LRMDA: variants seen among roughly 807,000 people sequenced by gnomAD.
The protein encoded by LRMDA is leucine-rich melanocyte differentiation-associated protein.
LRMDA carries 18 observed loss-of-function variants against 29.8 expected under a neutral mutation model. The ratio of observed to expected loss-of-function variants is 0.60; its 90% CI spans 0.42 to 0.90. LRMDA has a LOEUF of 0.90. LRMDA is among the 40% of genes least tolerant of loss of function. LRMDA has a pLI of 0.00. For synonymous variants in LRMDA, 125 were observed against 109.4 expected, an observed-to-expected ratio of 1.14 and a Z score of -0.89; for missense variants, 273 against 273.9, an observed-to-expected ratio of 1.00 and a Z score of 0.02.
intron 2 of LRMDA, among the ~76,000 whole-genome samples, chr10:75,763,417 A>G (rs1426994109): frequency 6.6e-6 from 1 of 152,206 alleles, no homozygotes; most frequent in African/African-American, 2.4e-5. Context: ...AAATCAGAGT[A>G]TGGGTGAGAA....
rs562189245 is a variant in LRMDA at position 75,703,347 on chromosome 10, C to T, written c.131+264853C>T. On this transcript the variant is annotated intron_variant, in intron 2 of 6. Coordinates refer to ENST00000611255, the MANE Select transcript of LRMDA (RefSeq NM_001305581.2). ...GCAATGAGGCAGAAACCAGGGATAA[C>T]TGCAGATCTGCCGATCTGAGAGAGT... is the stretch of plus-strand genomic sequence containing the variant. 1.9e-4 allele frequency among the ~76,000 whole-genome samples: 29 copies of T among 152,340 alleles called. No individual in the cohort carries two copies. The South Asian group carries it at 4.8e-3, about 25-fold the overall frequency.
At chr10:75,479,067 C>G (rs1844828410) in intron 2 of LRMDA, among the ~76,000 whole-genome samples, 1 of 152,206 alleles carries the variant, frequency 6.6e-6, no homozygotes, top group African/African-American at 2.4e-5. Flanking sequence ...CTGGTTTCCT[C>G]CAGCTCCCAG....
rs116186526 is a variant in LRMDA, at chr10:76,266,189, T to G, written c.517-58212T>G. Among the ~76,000 whole-genome samples, 545 of 152,312 alleles carry G rather than the reference T, an allele frequency of 3.6e-3. 6 individuals are homozygous for G. Among genetic ancestry groups the G allele is most frequent in the African/African-American group, 0.012 (518 of 41,554 alleles). Reference sequence around the variant, plus strand: ...GTGTATGAAAATGCTTGGCATATAATAAGTACACAATAAATATTCACACTA... The same window carrying G: ...GTGTATGAAAATGCTTGGCATATAAGAAGTACACAATAAATATTCACACTA... On this transcript the variant is annotated intron_variant, in intron 5 of 6. Transcript: ENST00000611255.
At chr10:76,237,099 G>C (rs975412657) in intron 5 of LRMDA, among the ~76,000 whole-genome samples, 1 of 152,152 alleles carries the variant, frequency 6.6e-6, no homozygotes, top group Non-Finnish European at 1.5e-5. Context: ...CCAGAGGATT[G>C]CTTGAGTCTT....
intron 2 of LRMDA, among the ~76,000 whole-genome samples, chr10:75,614,603 T>C (rs1841075789): frequency 6.6e-6 from 1 of 152,156 alleles, no homozygotes; most frequent in Admixed American, 6.5e-5. Context: ...CCAACTTCCT[T>C]TCCTCTTCCT....
chr10:76,360,519 C>G (rs559506004), intron 6 of LRMDA, among the ~76,000 whole-genome samples: 1 of 152,246 alleles, frequency 6.6e-6, no homozygotes, highest in African/African-American at 2.4e-5. Context: ...AGTAACTTAC[C>G]TACATAAAAG....
At chr10:76,429,409 T>G (rs1258622316) in intron 6 of LRMDA, among the ~76,000 whole-genome samples, 1 of 152,156 alleles carries the variant, frequency 6.6e-6, no homozygotes, top group Non-Finnish European at 1.5e-5. Context: ...TTATGAAGAT[T>G]GCATGTCAAT....
At chr10:75,456,221 C>T (rs904815973) in intron 2 of LRMDA, among the ~76,000 whole-genome samples, 3 of 152,206 alleles carry the variant, frequency 2.0e-5, no homozygotes. Flanking sequence ...GCCTGCGTTT[C>T]GGCCCTGACA....
At chr10:75,902,130 C>T (rs1845684431) in intron 2 of LRMDA, among the ~76,000 whole-genome samples, 1 of 152,132 alleles carries the variant, frequency 6.6e-6, no homozygotes, top group Non-Finnish European at 1.5e-5. Flanking sequence ...ACATGGGCAC[C>T]CAGCTTGCCC....
chr10:75,471,689 A>G (rs1449719458), intron 2 of LRMDA, among the ~76,000 whole-genome samples: 2 of 152,218 alleles, frequency 1.3e-5, no homozygotes, highest in Non-Finnish European at 2.9e-5. Context: ...AAATGACTAC[A>G]TGATTTTTTA....
intron 5 of LRMDA, among the ~76,000 whole-genome samples, chr10:76,069,814 AC>A (rs1179027161): frequency 6.6e-6 from 1 of 151,780 alleles, no homozygotes; most frequent in Non-Finnish European, 1.5e-5. Context: ...CACAGCCTTT[AC>A]TTTTGTTCTT....
Position 75,431,728 on chromosome 10 carries a change from G to T in LRMDA, c.4G>T (p.Ala2Ser). MAGLVVRGTQVS... is the reference protein window; with the variant it reads MSGLVVRGTQVS... Reference sequence around the variant, plus strand: ...CGCCCGCAGCGTCCTGGCCGCCATGGCCGGGCTCGTGGTGCGTGGAACTCA... The same window carrying T: ...CGCCCGCAGCGTCCTGGCCGCCATGTCCGGGCTCGTGGTGCGTGGAACTCA... Residue 2 changes from alanine (A) to serine (S), a missense_variant, in exon 1 of 7, where the codon GCC becomes TCC. Physicochemically the swap from Ala to Ser is moderately conservative, Grantham distance 99. Transcript: ENST00000611255. 1 of 1,358,708 alleles carries T rather than the reference G, an allele frequency of 7.4e-7. No individual in the cohort carries two copies. Among genetic ancestry groups the T allele is most frequent in the Non-Finnish European group, 9.5e-7 (1 of 1,051,854 alleles). 84.2% of individuals were successfully genotyped at this position (1,358,708 alleles called of 1,614,324 possible).
chr10:76,278,228 C>A (rs1840160034), intron 5 of LRMDA, among the ~76,000 whole-genome samples: 1 of 152,156 alleles, frequency 6.6e-6, no homozygotes, highest in Non-Finnish European at 1.5e-5. Flanking sequence ...GTTTCTAAAT[C>A]TGTGCTCATG....
chr10:75,665,155 T>G (rs1339703469), intron 2 of LRMDA, among the ~76,000 whole-genome samples: 1 of 152,232 alleles, frequency 6.6e-6, no homozygotes, highest in East Asian at 1.9e-4. Flanking sequence ...TGGCACCTGA[T>G]GAAATAGTTT....
intron 5 of LRMDA, among the ~76,000 whole-genome samples, chr10:76,144,936 A>G (rs922024538): frequency 6.6e-6 from 1 of 152,206 alleles, no homozygotes; most frequent in African/African-American, 2.4e-5. Flanking sequence ...CCTCTTCTGC[A>G]TCTATTGAGA....
intron 6 of LRMDA, among the ~76,000 whole-genome samples, chr10:76,551,827 C>T (rs796905040): frequency 2.6e-5 from 4 of 152,248 alleles, no homozygotes; most frequent in African/African-American, 9.6e-5. Context: ...TCACCTTTTC[C>T]TCTCTGTCAC....
chr10:76,105,030 C>T (rs1306344178), intron 5 of LRMDA, among the ~76,000 whole-genome samples: 1 of 152,122 alleles, frequency 6.6e-6, no homozygotes, highest in Non-Finnish European at 1.5e-5. Flanking sequence ...CTAGGTTTTG[C>T]TGAAATCTTA....
chr10:76,394,708 A>C (rs1249169299), intron 6 of LRMDA, among the ~76,000 whole-genome samples: 1 of 152,174 alleles, frequency 6.6e-6, no homozygotes, highest in Non-Finnish European at 1.5e-5. Context: ...GATTACTACT[A>C]TTCCTACAGT....
chr10:76,402,866 CAG>C (rs1231022424), intron 6 of LRMDA, among the ~76,000 whole-genome samples: 1 of 152,008 alleles, frequency 6.6e-6, no homozygotes, highest in Non-Finnish European at 1.5e-5. Flanking sequence ...GAGATTTTTT[CAG>C]AGACATGTAA....
Sources: allele counts gnomAD v4.1 joint callset (sites outside exome capture counted in the v4.1 genomes callset), GRCh38; gene constraint gnomAD v4.1.1; transcripts MANE v1.5; gene names NCBI Gene and HGNC (gene_info 2026-07-23, HGNC 2026-07-21).